PRDM9: variants seen among roughly 807,000 people sequenced by gnomAD.
PRDM9 encodes the protein histone-lysine N-methyltransferase PRDM9.
A neutral mutation model predicts 55.6 loss-of-function variants in PRDM9; 47 were observed. The ratio of observed to expected loss-of-function variants is 0.85; its 90% confidence interval spans 0.67 to 1.08. The LOEUF (loss-of-function observed/expected upper bound fraction) is 1.08, where lower values mean the gene tolerates loss of function less well. Among genes scored for constraint, PRDM9 ranks in the 50% least tolerant of loss-of-function variants. The pLI is 0.00. For synonymous variants in PRDM9, 312 were observed against 375.7 expected (o/e 0.83, Z 1.96); for missense variants, 867 against 1,040.3 (o/e 0.83, Z 2.29).
intron 4 of PRDM9, among the ~76,000 whole-genome samples, chr5:23,510,805 AG>A (rs1168809430): frequency 6.6e-6 from 1 of 151,894 alleles, no homozygotes; most frequent in Non-Finnish European, 1.5e-5. Flanking sequence ...CCAAAGTGCT[AG>A]GATTACAGGC....
At chr5:23,507,606 C>T, upstream of PRDM9, 1 of 152,486 alleles carries the variant, frequency 6.6e-6, no homozygotes, top group Non-Finnish European at 1.5e-5. Context: ...CATCTCACCT[C>T]CTGAGGGACT....
rs769291085 is a variant in PRDM9 at position 23,527,680 on chromosome 5, G to C, written c.2592G>C (p.Glu864Asp). Residue 864 changes from glutamate (E) to aspartate (D), a missense_variant, in exon 11 of 11, where the codon GAG becomes GAC. Glu to Asp is a conservative substitution (Grantham distance 45). This residue lies in a region of PRDM9 where 86 missense variants were observed against 73.6 expected (regional missense o/e 1.17). Transcript: ENST00000296682. Reference sequence around the variant, plus strand: ...GGGAGAAGCCCTACGTCTGCAGGGAGTGTGGGCGGGGCTTTAGCGATAGGT... The same window carrying C: ...GGGAGAAGCCCTACGTCTGCAGGGACTGTGGGCGGGGCTTTAGCGATAGGT... Reference protein sequence around the residue: ...HTGEKPYVCRECGRGFSDRSS... With the variant: ...HTGEKPYVCRDCGRGFSDRSS... The C allele has an allele frequency of 1.3e-6, 2 of 1,584,350 alleles. No individual in the cohort carries two copies. Among genetic ancestry groups the C allele is most frequent in the South Asian group, 2.3e-5 (2 of 88,296 alleles).
chr5:23,515,463 A>T (rs1739193391), intron 4 of PRDM9, among the ~76,000 whole-genome samples: 1 of 152,152 alleles, frequency 6.6e-6, no homozygotes, highest in Non-Finnish European at 1.5e-5. Context: ...ACTCTGTAGG[A>T]TGCCTTGCCA....
intron 2 of PRDM9, 82 bp downstream of exon 2, chr5:23,509,184 G>A: frequency 6.4e-7 from 1 of 1,565,104 alleles, no homozygotes. Context: ...TGTACCCTTG[G>A]GGGACCCTAT....
chr5:23,528,028 C>T lies in PRDM9; in HGVS notation c.*255C>T, dbSNP rs1739520415. ...TGTGTGGTTCTTTCCCGCACTGATC[C>T]CCTCCATTTTTTGTTTGTTTTTTTG... On this transcript the variant is annotated 3_prime_UTR_variant, in exon 11 of 11. Transcript: ENST00000296682. 1 of 598,124 alleles carries T rather than the reference C, an allele frequency of 1.7e-6. No homozygotes were observed. The highest frequency in any genetic ancestry group is 2.9e-6 in the Non-Finnish European group (1 of 344,050). The allele number at this position is 598,124 out of a possible 1,614,324, so 37.1% of individuals were successfully genotyped here. A position where few individuals can be genotyped will look rare whatever the true frequency, so the allele number is the denominator to read the frequency against.
intron 2 of PRDM9, 85 bp downstream of exon 2, chr5:23,509,187 G>A (rs1326779361): frequency 1.7e-5 from 27 of 1,554,010 alleles, no homozygotes; most frequent in Admixed American, 1.2e-4. Context: ...ACCCTTGGGG[G>A]ACCCTATCTG....
At chr5:23,516,824 A>C (rs1297818624) in intron 4 of PRDM9, among the ~76,000 whole-genome samples, 2 of 144,618 alleles carry the variant, frequency 1.4e-5, no homozygotes, top group Middle Eastern at 3.8e-3. Flanking sequence ...GATTGAAGCG[A>C]TTCTCCTGCC....
intron 4 of PRDM9, among the ~76,000 whole-genome samples, chr5:23,516,191 C>T (rs551951206): frequency 4.6e-5 from 7 of 152,050 alleles, no homozygotes; most frequent in Non-Finnish European, 1.0e-4. Flanking sequence ...CTGTCGGCAC[C>T]GTTTTGTAGT....
chr5:23,519,124 A>G (rs564037013), intron 5 of PRDM9, among the ~76,000 whole-genome samples: 19 of 152,250 alleles, frequency 1.2e-4, no homozygotes, highest in African/African-American at 4.6e-4. Context: ...CAATGACTCA[A>G]TCTCGGCTTA....
rs553092610 is a variant in PRDM9, at chr5:23,509,665, G to A, written c.193+72G>A. The A allele has an allele frequency of 2.1e-4, 337 of 1,610,096 alleles. No individual in the cohort carries two copies. The African/African-American group carries it at 4.0e-3, about 19-fold the overall frequency. On this transcript the variant is annotated intron_variant, in intron 3 of 10. Transcript: ENST00000296682. ...GGTCTTTGGTCCCTATATTATTTTA[G>A]TTCTCAGGTGGTGGCATCTGCCCAC...
intron 8 of PRDM9, 82 bp from the exon 9 acceptor site, chr5:23,523,209 G>C: frequency 6.7e-7 from 1 of 1,488,724 alleles, no homozygotes. Flanking sequence ...CAGGCCCAAA[G>C]GCCATTGACG....
chr5:23,527,465 A>G lies in PRDM9; in HGVS notation c.2377A>G (p.Ser793Gly), dbSNP rs767127721. The stretch of plus-strand genomic sequence containing the variant: ...CTTTAGAGATAAGTCAAACCTCCTC[A>G]GTCACCAGAGGACACACACAGGGGA... ...RGFRDKSNLL[S>G]HQRTHTGEKP... The change falls in exon 11 of 11, where the codon AGT (serine) becomes GGT (glycine). Residue 793 changes from serine (S) to glycine (G), a missense_variant. Transcript: ENST00000296682. The G allele has an allele frequency of 1.3e-6, 2 of 1,585,498 alleles. No homozygotes were observed. Among genetic ancestry groups the G allele is most frequent in the East Asian group, 4.6e-5 (2 of 43,424 alleles).
chr5:23,526,858 CTG>C lies in PRDM9; in HGVS notation c.1771_1772del (p.Trp591AlafsTer27). ...VCRECGRGFS[W>X]QSVLLTHQRT... ...GCAGGGAGTGTGGGCGGGGCTTTAGCTGGCAGTCAGTCCTCCTCACTCACCAG... is the reference window on the plus strand; with the variant it reads ...GCAGGGAGTGTGGGCGGGGCTTTAGCGCAGTCAGTCCTCCTCACTCACCAG... On this transcript the variant is annotated frameshift_variant, in exon 11 of 11. Transcript: ENST00000296682. LOFTEE classifies it low-confidence loss of function (END_TRUNC). 6.3e-7 allele frequency: 1 copy of C among 1,596,402 alleles called. No homozygotes were observed. Among genetic ancestry groups the C allele is most frequent in the Non-Finnish European group, 8.5e-7 (1 of 1,174,246 alleles).
rs367694827 is a variant in PRDM9 at position 23,526,916 on chromosome 5, T to G, written c.1828T>G (p.Cys610Gly). The change falls in exon 11 of 11, where the codon TGC becomes GGC. Residue 610 changes from cysteine (C) to glycine (G), a missense_variant. By Grantham distance (159) the Cys-to-Gly change is radical. Around this residue, in one of 5 missense-constraint regions of PRDM9, gnomAD observed 27 missense variants for 50.0 expected, o/e 0.54. Coordinates refer to ENST00000296682, the MANE Select transcript of PRDM9 (RefSeq NM_020227.4). Reference protein sequence around the residue: ...RTHTGEKPYVCRECGRGFSRQ... With the variant: ...RTHTGEKPYVGRECGRGFSRQ... ...ACACACAGGGGAGAAGCCCTATGTC[T>G]GCAGGGAGTGTGGGCGGGGCTTTAG... is the stretch of plus-strand genomic sequence containing the variant. 1.3e-6 allele frequency: 2 copies of G among 1,598,010 alleles called. No individual in the cohort carries two copies. The highest frequency in any genetic ancestry group is 1.7e-6 in the Non-Finnish European group (2 of 1,175,448).
intron 9 of PRDM9, among the ~76,000 whole-genome samples, chr5:23,523,761 G>A (rs371620929): frequency 1.3e-5 from 2 of 152,174 alleles, no homozygotes; most frequent in South Asian, 2.1e-4. Context: ...ATGGGCTCTC[G>A]TTCTATCAGA....
At position 23,526,705 on chromosome 5, in the gene PRDM9, T is replaced by G; in HGVS notation, c.1617T>G (p.Val539=). Residue 539 remains valine, a synonymous_variant, in exon 11 of 11, where the codon GTT becomes GTG. Coordinates refer to ENST00000296682, the MANE Select transcript of PRDM9 (RefSeq NM_020227.4). ...AAGGTTTCAGTGTTAAATCAGATGT[T>G]ATTACACACCAAAGGACACATACAG... is the stretch of plus-strand genomic sequence containing the variant. ...CGQGFSVKSD[V]ITHQRTHTGE... The G allele has an allele frequency of 6.2e-7, 1 of 1,614,210 alleles. No homozygotes were observed. The highest frequency in any genetic ancestry group is 8.5e-7 in the Non-Finnish European group (1 of 1,180,048).
At chr5:23,525,007 G>A (rs1342779793) in intron 10 of PRDM9, among the ~76,000 whole-genome samples, 2 of 152,216 alleles carry the variant, frequency 1.3e-5, no homozygotes, top group Non-Finnish European at 2.9e-5. Context: ...CTCTTGACAT[G>A]TGAATTAGGG....
intron 4 of PRDM9, among the ~76,000 whole-genome samples, chr5:23,514,631 G>T (rs1177820302): frequency 1.3e-5 from 2 of 151,962 alleles, no homozygotes; most frequent in African/African-American, 4.8e-5. Context: ...GTAGAGATGG[G>T]GTTTTACCAT....
chr5:23,513,903 C>T (rs564479565), intron 4 of PRDM9, among the ~76,000 whole-genome samples: 2 of 151,802 alleles, frequency 1.3e-5, no homozygotes, highest in African/African-American at 4.8e-5. Context: ...AACAAAAAAA[C>T]CCACACACAC....
Sources: gnomAD v4.1 joint callset for allele counts (sites outside exome capture counted in the v4.1 genomes callset) on GRCh38, gnomAD v4.1.1 for gene constraint, gnomAD v4.1.1 regional missense constraint, MANE v1.5 for transcripts, NCBI Gene and HGNC (gene_info 2026-07-23, HGNC 2026-07-21) for gene names.